ATP2B4: variants seen among roughly 807,000 people sequenced by gnomAD.
ATP2B4 encodes the protein ATPase plasma membrane Ca2+ transporting 4, also known as plasma membrane calcium-transporting ATPase 4.
A neutral mutation model predicts 110.3 loss-of-function variants in ATP2B4; 39 were observed. The observed-to-expected ratio is 0.35, with a 90% CI of 0.27 to 0.46. The LOEUF (loss-of-function observed/expected upper bound fraction) is 0.46. Among genes scored for constraint, ATP2B4 ranks in the 20% least tolerant of loss-of-function variants. The pLI, the probability that ATP2B4 is intolerant of heterozygous loss-of-function variation, is 1.00. For missense variants in ATP2B4, 1,135 were observed against 1,530.9 expected (o/e 0.74, Z 4.32); for synonymous variants, 538 against 571.7 (o/e 0.94, Z 0.84).
intron 20 of ATP2B4, among the ~76,000 whole-genome samples, chr1:203,737,346 T>C (rs557789534): frequency 1.3e-5 from 2 of 152,360 alleles, no homozygotes; most frequent in African/African-American, 4.8e-5. Context: ...CCTCCTGTAA[T>C]ATTCAGTAGA....
chr1:203,698,203 T>C lies in ATP2B4; in HGVS notation c.240T>C (p.Phe80=). The change falls in exon 3 of 21, where the codon TTT becomes TTC. Residue 80 remains phenylalanine, a synonymous_variant. Transcript: ENST00000357681. Reference sequence around the variant, plus strand: ...ATCTGGAGAAACGTAGGCAGGTGTTTGGACACAACGTGATCCCCCCCAAAA... The same window carrying C: ...ATCTGGAGAAACGTAGGCAGGTGTTCGGACACAACGTGATCCCCCCCAAAA... ...PADLEKRRQV[F]GHNVIPPKKP... is the part of the protein sequence containing the mutation. The C allele has an allele frequency of 1.2e-6, 2 of 1,614,180 alleles. No individual in the cohort carries two copies. The highest frequency in any genetic ancestry group is 2.2e-5 in the East Asian group (1 of 44,886).
chr1:203,706,351 G>A (rs544084676), intron 8 of ATP2B4, among the ~76,000 whole-genome samples: 3 of 152,244 alleles, frequency 2.0e-5, no homozygotes, highest in Non-Finnish European at 2.9e-5. Context: ...TTAAAAAGGC[G>A]GTAATAATAA....
chr1:203,736,924 T>C (rs1666892132), intron 20 of ATP2B4, among the ~76,000 whole-genome samples: 1 of 152,146 alleles, frequency 6.6e-6, no homozygotes, highest in Non-Finnish European at 1.5e-5. Context: ...CACCCTTCTC[T>C]CCACCCACCA....
Position 203,700,334 on chromosome 1 carries a change from A to G in ATP2B4, c.775+3A>G. ...CAAAGACCCCATGTTGCTCTCAGGT[A>G]TAGGCCCTGGCTGCCCAAGTTCCCA... On this transcript the variant is annotated splice_donor_region_variant and intron_variant, in intron 5 of 20. Transcript: ENST00000357681. 6.2e-7 allele frequency: 1 copy of G among 1,610,766 alleles called. No individual in the cohort carries two copies. The highest frequency in any genetic ancestry group is 1.7e-5 in the Admixed American group (1 of 59,604).
chr1:203,655,381 C>T (rs1407723061), intron 1 of ATP2B4, among the ~76,000 whole-genome samples: 19 of 152,006 alleles, frequency 1.2e-4, no homozygotes. Flanking sequence ...CACGGTGGCT[C>T]ACGTCTGTAA....
rs200164842 is a variant in ATP2B4 at position 203,660,204 on chromosome 1, A to AT, written c.-464-22532dup. Reference sequence around the variant, plus strand: ...TACTTTTCCCTTTACCATGTGGTAGATTTTTTCTCTCTAATGCCAAAACAT... The same window carrying AT: ...TACTTTTCCCTTTACCATGTGGTAGATTTTTTTCTCTCTAATGCCAAAACAT... On this transcript the variant is annotated intron_variant, in intron 1 of 20. Coordinates refer to ENST00000357681, the MANE Select transcript of ATP2B4 (RefSeq NM_001684.5). Among the ~76,000 whole-genome samples, 418 of 152,220 alleles carry AT rather than the reference A, an allele frequency of 2.7e-3. 3 individuals carry two copies. The East Asian group carries it at 0.033, about 12-fold the overall frequency.
At chr1:203,671,967 A>G (rs530682874) in intron 1 of ATP2B4, among the ~76,000 whole-genome samples, 14 of 152,150 alleles carry the variant, frequency 9.2e-5, no homozygotes, top group African/African-American at 3.4e-4. Flanking sequence ...TCCTCCCACG[A>G]CACCTGGTGA....
intron 20 of ATP2B4, among the ~76,000 whole-genome samples, chr1:203,732,176 A>C (rs1459293428): frequency 6.6e-6 from 1 of 150,582 alleles, no homozygotes; most frequent in African/African-American, 2.4e-5. Context: ...AAAAAAAAAA[A>C]GGAAGGAAGG....
chr1:203,668,990 G>A (rs1664585094), intron 1 of ATP2B4, among the ~76,000 whole-genome samples: 1 of 152,188 alleles, frequency 6.6e-6, no homozygotes. Flanking sequence ...AAATAGTTTG[G>A]TGCTAGGTAT....
intron 1 of ATP2B4, among the ~76,000 whole-genome samples, chr1:203,680,618 A>AAAAAAAG (rs768472006): frequency 2.3e-5 from 1 of 43,112 alleles, no homozygotes; most frequent in Non-Finnish European, 7.3e-5. Flanking sequence ...CAAAAAAAAA[A>AAAAAAAG]GAAAAAAAAG....
At chr1:203,713,058 T>G (rs1327366218) in intron 13 of ATP2B4, 107 bp from the exon 14 acceptor site, 1 of 1,151,100 alleles carries the variant, frequency 8.7e-7, no homozygotes, top group African/African-American at 1.5e-5. Flanking sequence ...CATGTGGGAC[T>G]GTGGTGTACC....
chr1:203,712,634 G>A (rs1006574599), intron 13 of ATP2B4, among the ~76,000 whole-genome samples: 2 of 150,806 alleles, frequency 1.3e-5, no homozygotes, highest in African/African-American at 4.9e-5. Context: ...TGTGAATGAA[G>A]CTTGCTAGCT....
chr1:203,715,145 C>T (rs935882114), intron 15 of ATP2B4, among the ~76,000 whole-genome samples: 21 of 152,068 alleles, frequency 1.4e-4, no homozygotes, highest in Admixed American at 3.9e-4. Context: ...TGCAGTGGCT[C>T]ACACCTGTAA....
rs1371924946 is a variant in ATP2B4, at chr1:203,629,537, A to G, written c.-465+2318A>G. Among the ~76,000 whole-genome samples, 2 of 151,994 alleles carry G rather than the reference A, an allele frequency of 1.3e-5. No individual in the cohort carries two copies. The highest frequency in any genetic ancestry group is 2.9e-5 in the Non-Finnish European group (2 of 67,992). On this transcript the variant is annotated intron_variant, in intron 1 of 20. Transcript: ENST00000357681. The surrounding 1 kb of genome is among the most constrained non-coding windows in gnomAD (Gnocchi z 4.6). The stretch of plus-strand genomic sequence containing the variant: ...GCCCGGGGTCGCGGCCAAAGGGGTA[A>G]TCGGCTCCCGCAGTCTCAGCCCTTC...
intron 1 of ATP2B4, among the ~76,000 whole-genome samples, chr1:203,681,697 G>C (rs545830501): frequency 1.3e-5 from 2 of 152,102 alleles, no homozygotes; most frequent in Non-Finnish European, 2.9e-5. Context: ...ATGCGTGAGA[G>C]GTAATGCATC....
chr1:203,692,388 C>T (rs897463576), intron 2 of ATP2B4, among the ~76,000 whole-genome samples: 10 of 152,044 alleles, frequency 6.6e-5, no homozygotes, highest in African/African-American at 4.8e-5. Context: ...CGTATTGCCC[C>T]GGCTGGTCTC....
chr1:203,708,725 C>T (rs568154253), intron 10 of ATP2B4, among the ~76,000 whole-genome samples: 5 of 152,216 alleles, frequency 3.3e-5, no homozygotes, highest in South Asian at 2.1e-4. Context: ...GGCATGGTTG[C>T]GCACCTGTAG....
At chr1:203,722,397 A>T in intron 17 of ATP2B4, 81 bp from the exon 18 acceptor site, 1 of 1,108,910 alleles carries the variant, frequency 9.0e-7, no homozygotes, top group South Asian at 1.3e-5. Flanking sequence ...AGCCATAAGC[A>T]AGCAGTATAT....
rs60841821 is a variant in ATP2B4, at chr1:203,719,225, G to GAAAA, written c.2407-1307_2407-1304dup. Among the ~76,000 whole-genome samples, 50 of 54,394 alleles carry GAAAA rather than the reference G, an allele frequency of 9.2e-4. 2 individuals carry two copies. Among genetic ancestry groups the GAAAA allele is most frequent in the Middle Eastern group, 8.5e-3 (1 of 118 alleles). 35.7% of individuals were successfully genotyped at this position (54,394 alleles called of 152,430 possible). On this transcript the variant is annotated intron_variant, in intron 15 of 20. Transcript: ENST00000357681. ...AGATGACAGAGCAAGACCCTGTCTC[G>GAAAA]AAAAAAAAAAAAAAAAAAAAGCAAG...
Sources: gnomAD v4.1 joint callset for allele counts (sites outside exome capture counted in the v4.1 genomes callset) on GRCh38, gnomAD v4.1.1 for gene constraint, Gnocchi (gnomAD v3.1) non-coding constraint, MANE v1.5 for transcripts, NCBI Gene and HGNC (gene_info 2026-07-23, HGNC 2026-07-21) for gene names.